The following HSD17B12 variants were observed in gnomAD, a reference collection of about 807,000 sequenced individuals.
The protein encoded by HSD17B12 is very-long-chain 3-oxoacyl-CoA reductase.
Under a neutral mutation model 39.3 loss-of-function variants are expected in HSD17B12, and 32 were observed. The observed-to-expected ratio is 0.81, with a 90% confidence interval of 0.61 to 1.09. HSD17B12 has a LOEUF of 1.09. HSD17B12 is among the 50% of genes least tolerant of loss of function. The pLI is 0.00. For synonymous variants in HSD17B12, 150 were observed against 146.7 expected, an observed-to-expected ratio of 1.02 and a Z score of -0.16; for missense variants, 342 against 382.9, an observed-to-expected ratio of 0.89 and a Z score of 0.89.
intron 2 of HSD17B12, 23 bp from the exon 3 acceptor site, chr11:43,754,023 T>A: frequency 6.4e-7 from 1 of 1,559,184 alleles, no homozygotes; most frequent in Non-Finnish European, 8.8e-7. Context: ...CAGGTGTGAT[T>A]CAAATCTCCT....
chr11:43,750,373 A>C (rs981532469), intron 1 of HSD17B12, among the ~76,000 whole-genome samples: 1 of 152,016 alleles, frequency 6.6e-6, no homozygotes, highest in South Asian at 2.1e-4. Flanking sequence ...ATATATCAGT[A>C]GTTCTTTTTT....
intron 3 of HSD17B12, among the ~76,000 whole-genome samples, chr11:43,793,571 G>T (rs1950888883): frequency 6.6e-6 from 1 of 152,166 alleles, no homozygotes; most frequent in East Asian, 1.9e-4. Context: ...AAATGAAAAT[G>T]ATGATGGCCA....
intron 3 of HSD17B12, among the ~76,000 whole-genome samples, chr11:43,754,382 G>A (rs1950491451): frequency 6.6e-6 from 1 of 152,078 alleles, no homozygotes; most frequent in Non-Finnish European, 1.5e-5. Flanking sequence ...AGACTGGCCT[G>A]ACCAACATGG....
At chr11:43,745,151 T>C (rs1950402033) in intron 1 of HSD17B12, among the ~76,000 whole-genome samples, 1 of 152,166 alleles carries the variant, frequency 6.6e-6, no homozygotes, top group African/African-American at 2.4e-5. Context: ...GAAGACAATA[T>C]ACATGAGGCA....
chr11:43,733,988 C>T, intron 1 of HSD17B12: 1 of 720,110 alleles, frequency 1.4e-6, no homozygotes, highest in East Asian at 2.6e-5. Context: ...ATGCTCCAGT[C>T]ATCACTGGTA....
the HSD17B12 span, among the ~76,000 whole-genome samples, chr11:43,597,068 T>G: frequency 2.6e-5 from 4 of 152,222 alleles, no homozygotes; most frequent in Non-Finnish European, 5.9e-5. Flanking sequence ...TACCACCTAT[T>G]AGGACAGATT....
chr11:43,632,672 C>A, the HSD17B12 span, among the ~76,000 whole-genome samples: 1 of 152,126 alleles, frequency 6.6e-6, no homozygotes, highest in African/African-American at 2.4e-5. Context: ...ATTCCAGTGG[C>A]CCATGCTGCT....
chr11:43,721,561 G>A (rs1950176545), intron 1 of HSD17B12, among the ~76,000 whole-genome samples: 1 of 152,166 alleles, frequency 6.6e-6, no homozygotes, highest in Non-Finnish European at 1.5e-5. Flanking sequence ...AGAGGTTGCA[G>A]TGAGCTAAGA....
chr11:43,751,100 T>A (rs1314286119), intron 2 of HSD17B12, 143 bp downstream of exon 2: 3 of 508,172 alleles, frequency 5.9e-6, no homozygotes, highest in Non-Finnish European at 1.0e-5. Flanking sequence ...GTTTCTACCT[T>A]GTTGGAAATA....
chr11:43,802,622 C>T (rs939853374), intron 4 of HSD17B12, among the ~76,000 whole-genome samples: 4 of 152,094 alleles, frequency 2.6e-5, no homozygotes, highest in Non-Finnish European at 4.4e-5. Context: ...TGGTTCTCAA[C>T]CAAGGACAAT....
chr11:43,600,072 C>G, the HSD17B12 span, among the ~76,000 whole-genome samples: 19 of 151,934 alleles, frequency 1.3e-4, no homozygotes, highest in African/African-American at 4.6e-4. Context: ...TTTTCTCTTC[C>G]CACCTCCATT....
At chr11:43,640,233 C>A in the HSD17B12 span, among the ~76,000 whole-genome samples, 7 of 151,892 alleles carry the variant, frequency 4.6e-5, no homozygotes, top group African/African-American at 1.5e-4. Flanking sequence ...AATTCTCATT[C>A]CCCCCCTCTA....
chr11:43,626,910 T>C, the HSD17B12 span, among the ~76,000 whole-genome samples: 3 of 152,038 alleles, frequency 2.0e-5, no homozygotes, highest in South Asian at 6.2e-4. Flanking sequence ...TTCAAACTGA[T>C]AGCTAAATAG....
the HSD17B12 span, among the ~76,000 whole-genome samples, chr11:43,665,214 C>T: frequency 6.6e-6 from 1 of 152,102 alleles, no homozygotes; most frequent in Non-Finnish European, 1.5e-5. Context: ...TTGTTTTTCC[C>T]TAACTAAAAC....
chr11:43,779,566 G>T (rs1366773145), intron 3 of HSD17B12, among the ~76,000 whole-genome samples: 3 of 152,114 alleles, frequency 2.0e-5, no homozygotes, highest in Non-Finnish European at 4.4e-5. Flanking sequence ...GCTGTCTATT[G>T]TACTTTGTGT....
intron 3 of HSD17B12, among the ~76,000 whole-genome samples, chr11:43,759,018 C>T (rs2134961038): frequency 6.6e-6 from 1 of 152,306 alleles, no homozygotes; most frequent in East Asian, 1.9e-4. Context: ...AGTCAGGAAA[C>T]AGAAGTCACA....
chr11:43,627,413 TATTC>T, the HSD17B12 span, among the ~76,000 whole-genome samples: 1 of 151,994 alleles, frequency 6.6e-6, no homozygotes. Flanking sequence ...TGCTTACTAT[TATTC>T]ATTCACTAGA....
intron 1 of HSD17B12, among the ~76,000 whole-genome samples, chr11:43,688,802 G>A (rs924354980): frequency 6.6e-6 from 1 of 152,144 alleles, no homozygotes; most frequent in African/African-American, 2.4e-5. Flanking sequence ...GTTAACCTCT[G>A]AGCATAACTT....
intron 1 of HSD17B12, among the ~76,000 whole-genome samples, chr11:43,711,829 C>A (rs1050356633): frequency 6.6e-6 from 1 of 152,062 alleles, no homozygotes; most frequent in African/African-American, 2.4e-5. Flanking sequence ...GATGGGAAAG[C>A]TTTTAGAAAA....
Sources: gnomAD v4.1 joint callset for allele counts (sites outside exome capture counted in the v4.1 genomes callset) on GRCh38, gnomAD v4.1.1 for gene constraint, MANE v1.5 for transcripts, NCBI Gene and HGNC (gene_info 2026-07-23, HGNC 2026-07-21) for gene names.